SLC8A1: variants seen among roughly 807,000 people sequenced by gnomAD.
The protein encoded by SLC8A1 is sodium/calcium exchanger 1.
In SLC8A1, 18 loss-of-function variants were observed where a neutral mutation model predicts 68.3. The observed-to-expected ratio is 0.26, with a 90% CI of 0.18 to 0.39. The LOEUF is 0.39. SLC8A1 is among the 10% of genes least tolerant of loss of function. The pLI is 1.00. For synonymous variants in SLC8A1, 475 were observed against 415.5 expected, an observed-to-expected ratio of 1.14 and a Z score of -1.74; for missense variants, 985 against 1,156.7, an observed-to-expected ratio of 0.85 and a Z score of 2.15.
intron 2 of SLC8A1, among the ~76,000 whole-genome samples, chr2:40,246,694 T>G (rs998824584): frequency 6.6e-6 from 1 of 152,202 alleles, no homozygotes; most frequent in African/African-American, 2.4e-5. Flanking sequence ...AGAAGATGGA[T>G]GGTGAAGTCA....
At chr2:40,362,804 T>G (rs1452759120) in intron 2 of SLC8A1, among the ~76,000 whole-genome samples, 1 of 152,160 alleles carries the variant, frequency 6.6e-6, no homozygotes, top group Non-Finnish European at 1.5e-5. Context: ...AAACTACATC[T>G]TTTTGTACAA....
exon 8 of SLC8A1, chr2:40,115,180 T>TTAA (rs2035091300): frequency 1.9e-6 from 2 of 1,078,546 alleles, no homozygotes; most frequent in African/African-American, 3.2e-5. Context: ...AATGTCAGTT[T>TTAA]CCTCTGTCCA....
chr2:40,172,576 A>G (rs555565644), intron 4 of SLC8A1, among the ~76,000 whole-genome samples: 53 of 152,302 alleles, frequency 3.5e-4, no homozygotes, highest in Admixed American at 3.0e-3. Flanking sequence ...TTCTGAGAAA[A>G]GAAAACTAGG....
At chr2:40,413,228 T>C (rs558444590) in intron 2 of SLC8A1, among the ~76,000 whole-genome samples, 1 of 152,298 alleles carries the variant, frequency 6.6e-6, no homozygotes, top group East Asian at 1.9e-4. Flanking sequence ...GAAATACCAT[T>C]TGGCCCAGCC....
chr2:40,311,504 T>C (rs1043204069), intron 2 of SLC8A1, among the ~76,000 whole-genome samples: 3 of 152,100 alleles, frequency 2.0e-5, no homozygotes, highest in African/African-American at 7.2e-5. Flanking sequence ...CTCAAAAGTT[T>C]AGTAACATGT....
At chr2:40,292,841 C>T (rs757860011) in intron 2 of SLC8A1, among the ~76,000 whole-genome samples, 15 of 152,152 alleles carry the variant, frequency 9.9e-5, no homozygotes, top group Non-Finnish European at 2.2e-4. Flanking sequence ...TATTCTCTTA[C>T]CAAACTCTGT....
chr2:40,336,442 A>G lies in SLC8A1; in HGVS notation c.1808+92031T>C, dbSNP rs534805696. Among the ~76,000 whole-genome samples, 6 of 152,328 alleles carry G rather than the reference A, an allele frequency of 3.9e-5. No homozygotes were observed. In the East Asian group the frequency reaches 7.7e-4, roughly 20 times the overall value. Reference sequence around the variant, plus strand: ...AAATCTCAGAATATCCATTTTATACATGGTCAGGCCTCGGTACTCCTGAGA... The same window carrying G: ...AAATCTCAGAATATCCATTTTATACGTGGTCAGGCCTCGGTACTCCTGAGA... On this transcript the variant is annotated intron_variant, in intron 2 of 7. Transcript: ENST00000406785.
intron 2 of SLC8A1, among the ~76,000 whole-genome samples, chr2:40,345,785 G>C (rs1379452478): frequency 1.3e-5 from 2 of 152,030 alleles, no homozygotes; most frequent in Non-Finnish European, 2.9e-5. Context: ...ATAAGTGGGA[G>C]TTGAACAATG....
Position 40,333,957 on chromosome 2 carries a change from C to T in SLC8A1, c.1808+94516G>A, listed in dbSNP as rs1575487115. Among the ~76,000 whole-genome samples the T allele has an allele frequency of 1.3e-5, 2 of 151,840 alleles. 1 individual carries two copies. Among genetic ancestry groups the T allele is most frequent in the South Asian group, 4.2e-4 (2 of 4,818 alleles). On this transcript the variant is annotated intron_variant, in intron 2 of 7. Coordinates refer to ENST00000406785, the Ensembl canonical transcript of SLC8A1. ...CAGCTACTTGGGAGGCTGAGGCAGG[C>T]GAATCACTTGAACCTGGGTGACAGA...
chr2:40,316,088 C>T (rs998260), intron 2 of SLC8A1, among the ~76,000 whole-genome samples: 75,987 of 151,856 alleles, frequency 0.5, 21,571 homozygotes, highest in African/African-American at 0.76. Context: ...GTCTGTCTGT[C>T]GACAAGACAA....
intron 2 of SLC8A1, among the ~76,000 whole-genome samples, chr2:40,199,342 G>C (rs1487334474): frequency 6.6e-6 from 1 of 151,512 alleles, no homozygotes; most frequent in Non-Finnish European, 1.5e-5. Context: ...TGGCAGGCGT[G>C]GTCTTCCTGA....
chr2:40,139,488 C>T, exon 7 of SLC8A1: 1 of 1,614,196 alleles, frequency 6.2e-7, no homozygotes, highest in Non-Finnish European at 8.5e-7. Context: ...GAAGCCAGGT[C>T]TCCAATGAAA....
rs144822046 is a variant in SLC8A1, at chr2:40,426,555, T to C, written c.1808+1918A>G. ...GTACCACCCAAAAGAAGGTTATTTA[T>C]GGTTTGGTAAAAGTCCTGAACTGCA... On this transcript the variant is annotated intron_variant, in intron 2 of 7. Coordinates refer to ENST00000406785, the Ensembl canonical transcript of SLC8A1. Among the ~76,000 whole-genome samples the C allele has an allele frequency of 6.0e-4, 91 of 152,180 alleles. 1 individual carries two copies. In the East Asian group the frequency reaches 0.014, roughly 24 times the overall value.
intron 2 of SLC8A1, among the ~76,000 whole-genome samples, chr2:40,393,030 T>C (rs779843345): frequency 5.3e-5 from 8 of 152,098 alleles, no homozygotes; most frequent in Non-Finnish European, 1.0e-4. Flanking sequence ...TCAATAGTGA[T>C]ACTGACTGAA....
intron 2 of SLC8A1, among the ~76,000 whole-genome samples, chr2:40,263,508 T>G (rs1332330183): frequency 6.6e-6 from 1 of 151,970 alleles, no homozygotes; most frequent in African/African-American, 2.4e-5. Flanking sequence ...AACAGAGATA[T>G]AGACCAATGG....
intron 2 of SLC8A1, among the ~76,000 whole-genome samples, chr2:40,339,503 A>G (rs953643380): frequency 6.6e-6 from 1 of 152,238 alleles, no homozygotes; most frequent in Non-Finnish European, 1.5e-5. Flanking sequence ...TTCTAGAAAC[A>G]TATATTCTAC....
intron 2 of SLC8A1, among the ~76,000 whole-genome samples, chr2:40,204,710 G>A (rs1355379055): frequency 6.6e-6 from 1 of 151,840 alleles, no homozygotes; most frequent in Non-Finnish European, 1.5e-5. Context: ...TATGCAAAAA[G>A]ATAAAGGTGA....
At chr2:40,151,726 T>C (rs1171972309) in intron 6 of SLC8A1, among the ~76,000 whole-genome samples, 1 of 152,192 alleles carries the variant, frequency 6.6e-6, no homozygotes, top group Non-Finnish European at 1.5e-5. Context: ...AATTATATAG[T>C]TATGATCTTC....
chr2:40,215,060 C>G (rs949055232), intron 2 of SLC8A1, among the ~76,000 whole-genome samples: 1 of 152,016 alleles, frequency 6.6e-6, no homozygotes, highest in Non-Finnish European at 1.5e-5. Context: ...TCTTTTTGTG[C>G]TATGTATTTA....
Sources: gnomAD v4.1 joint callset for allele counts (sites outside exome capture counted in the v4.1 genomes callset) on GRCh38, gnomAD v4.1.1 for gene constraint, MANE v1.5 for transcripts, NCBI Gene and HGNC (gene_info 2026-07-23, HGNC 2026-07-21) for gene names.